KCNQ5: variants seen among roughly 807,000 people sequenced by gnomAD.
KCNQ5 encodes potassium voltage-gated channel subfamily KQT member 5.
In KCNQ5, 30 loss-of-function variants were observed where a neutral mutation model predicts 98.2. The observed-to-expected ratio is 0.31, with a 90% CI of 0.23 to 0.41. KCNQ5 has a LOEUF of 0.41. Among genes scored for constraint, KCNQ5 ranks in the 10% least tolerant of loss-of-function variants. The probability of loss-of-function intolerance (pLI) is 1.00; values close to 1 mark genes in which losing one functional copy is unlikely to be tolerated. For synonymous variants in KCNQ5, 458 were observed against 449.4 expected, an observed-to-expected ratio of 1.02 and a Z score of -0.24; for missense variants, 835 against 1,182.5, an observed-to-expected ratio of 0.71 and a Z score of 4.31.
At chr6:73,124,976 TATATACACAC>T (rs66611685) in intron 9 of KCNQ5, among the ~76,000 whole-genome samples, 6,166 of 17,508 alleles carry the variant, frequency 0.35, 202 homozygotes, top group Admixed American at 0.37. Context: ...TATATATATA[TATATACACAC>T]ACACACATAT....
intron 1 of KCNQ5, among the ~76,000 whole-genome samples, chr6:72,828,045 G>A (rs1169812724): frequency 6.6e-6 from 1 of 152,114 alleles, no homozygotes; most frequent in African/African-American, 2.4e-5. Flanking sequence ...CTGTAGATAT[G>A]TGAATTAATT....
In KCNQ5 at chr6:72,970,118, G is replaced by A. The variant is rs149779869; in HGVS notation, c.399-33790G>A. Among the ~76,000 whole-genome samples the A allele has an allele frequency of 9.7e-4, 148 of 152,132 alleles. 1 individual carries two copies. The highest frequency in any genetic ancestry group is 1.9e-3 in the Admixed American group (29 of 15,264). ...TAAAAAAATAAAATAAATTAGCAGG[G>A]CATGGTGGTGTGCACTAGAAGTTCC... On this transcript the variant is annotated intron_variant, in intron 1 of 13. Coordinates refer to ENST00000370398, the MANE Select transcript of KCNQ5 (RefSeq NM_019842.4).
chr6:72,814,755 G>A (rs926901423), intron 1 of KCNQ5, among the ~76,000 whole-genome samples: 3 of 152,116 alleles, frequency 2.0e-5, no homozygotes, highest in African/African-American at 7.2e-5. Flanking sequence ...AAGCTGATGA[G>A]GACACTACCA....
chr6:72,978,335 C>T (rs1227945432), intron 1 of KCNQ5, among the ~76,000 whole-genome samples: 1 of 152,242 alleles, frequency 6.6e-6, no homozygotes, highest in African/African-American at 2.4e-5. Flanking sequence ...AATTGTAGAT[C>T]TTATTCCATT....
At chr6:72,833,149 G>A (rs1013922286) in intron 1 of KCNQ5, among the ~76,000 whole-genome samples, 3 of 152,270 alleles carry the variant, frequency 2.0e-5, no homozygotes, top group South Asian at 4.1e-4. Flanking sequence ...AAATATTCAT[G>A]AACTGTTCGA....
intron 10 of KCNQ5, chr6:73,143,376 G>A (rs1776795688): frequency 1.3e-5 from 2 of 152,178 alleles, no homozygotes; most frequent in Admixed American, 1.3e-4. Flanking sequence ...AATAGAAGAG[G>A]AAAGCAAGGA....
intron 7 of KCNQ5, among the ~76,000 whole-genome samples, chr6:73,117,880 A>G (rs1775572686): frequency 6.6e-6 from 1 of 152,210 alleles, no homozygotes; most frequent in Non-Finnish European, 1.5e-5. Context: ...TGATGCAACA[A>G]TAGTTGCATT....
At chr6:73,129,651 G>T in intron 9 of KCNQ5, 1 of 642,014 alleles carries the variant, frequency 1.6e-6, no homozygotes, top group East Asian at 2.9e-5. Flanking sequence ...AAACAACATA[G>T]TACTCTCTGC....
intron 1 of KCNQ5, among the ~76,000 whole-genome samples, chr6:72,934,427 A>AGTG (rs1765815443): frequency 6.6e-6 from 1 of 152,114 alleles, no homozygotes; most frequent in South Asian, 2.1e-4. Flanking sequence ...GTGTGATAAC[A>AGTG]GTGGTGGTGG....
intron 11 of KCNQ5, among the ~76,000 whole-genome samples, chr6:73,185,516 A>G (rs1778540470): frequency 6.6e-6 from 1 of 152,230 alleles, no homozygotes; most frequent in Non-Finnish European, 1.5e-5. Context: ...TTTTGAAAAC[A>G]CAGCAGGATT....
chr6:72,863,360 A>AAT (rs1777845381), intron 1 of KCNQ5, among the ~76,000 whole-genome samples: 1 of 152,202 alleles, frequency 6.6e-6, no homozygotes. Context: ...TCCCATCCTA[A>AAT]CACCATAAAT....
At chr6:73,065,049 G>GA (rs67817942) in intron 3 of KCNQ5, among the ~76,000 whole-genome samples, 15,114 of 146,718 alleles carry the variant, frequency 0.1, 1,008 homozygotes, top group East Asian at 0.18. Context: ...CCTGTAGCAT[G>GA]AGAAAAAAAA....
intron 1 of KCNQ5, among the ~76,000 whole-genome samples, chr6:72,970,928 C>A (rs1767858980): frequency 6.6e-6 from 1 of 152,216 alleles, no homozygotes; most frequent in Non-Finnish European, 1.5e-5. Flanking sequence ...CCATTCAGGG[C>A]ATAGGCATGG....
At chr6:72,961,679 AT>A (rs2150268848) in intron 1 of KCNQ5, among the ~76,000 whole-genome samples, 1 of 148,250 alleles carries the variant, frequency 6.7e-6, no homozygotes, top group Non-Finnish European at 1.5e-5. Flanking sequence ...GTTGGTGGGG[AT>A]TTGGACGGGC....
chr6:72,930,579 CAAAAA>C (rs5877339), intron 1 of KCNQ5, among the ~76,000 whole-genome samples: 3 of 94,210 alleles, frequency 3.2e-5, no homozygotes, highest in Non-Finnish European at 6.6e-5. Flanking sequence ...GACATTTTAC[CAAAAA>C]AAAAAAAAAA....
chr6:72,966,749 C>T (rs1024832347), intron 1 of KCNQ5, among the ~76,000 whole-genome samples: 1 of 152,142 alleles, frequency 6.6e-6, no homozygotes, highest in Non-Finnish European at 1.5e-5. Flanking sequence ...AAGTGAGAGG[C>T]ATTGTGAGAT....
intron 1 of KCNQ5, among the ~76,000 whole-genome samples, chr6:72,665,341 C>CAAAAAAA (rs57257881): frequency 8.9e-6 from 1 of 112,980 alleles, no homozygotes. Context: ...AATACCCTGT[C>CAAAAAAA]AAAAAAAAAA....
At chr6:72,627,160 A>G (rs1229108866) in intron 1 of KCNQ5, among the ~76,000 whole-genome samples, 1 of 152,244 alleles carries the variant, frequency 6.6e-6, no homozygotes, top group African/African-American at 2.4e-5. Flanking sequence ...TTTTGAATGA[A>G]TGGAATCATT....
chr6:72,880,679 T>C (rs1162023837), intron 1 of KCNQ5, among the ~76,000 whole-genome samples: 1 of 152,216 alleles, frequency 6.6e-6, no homozygotes, highest in East Asian at 1.9e-4. Flanking sequence ...TTATTCTATT[T>C]CATTTTCTAC....
Sources: allele counts gnomAD v4.1 joint callset (sites outside exome capture counted in the v4.1 genomes callset), GRCh38; gene constraint gnomAD v4.1.1; transcripts MANE v1.5; gene names NCBI Gene and HGNC (gene_info 2026-07-23, HGNC 2026-07-21).